MXD3: variants seen among roughly 807,000 people sequenced by gnomAD.
MXD3 encodes the protein MAX dimerization protein 3.
A neutral mutation model predicts 27.5 loss-of-function variants in MXD3; 20 were observed. The observed-to-expected ratio is 0.73, with a 90% CI of 0.51 to 1.06. The LOEUF is 1.06. Ranked by LOEUF, MXD3 falls within the 50% of genes least tolerant of loss-of-function variation. MXD3 has a pLI of 0.00. For missense variants in MXD3, 298 were observed against 291.3 expected, an observed-to-expected ratio of 1.02 and a Z score of -0.17; for synonymous variants, 150 against 130.7, an observed-to-expected ratio of 1.15 and a Z score of -1.01.
chr5:177,312,723 G>A (rs542555717), upstream of MXD3: 15 of 985,506 alleles, frequency 1.5e-5, no homozygotes, highest in East Asian at 1.7e-3. Context: ...TCCTCAGGCA[G>A]GCCATACCCT....
chr5:177,312,279 G>C (rs993048293), upstream of MXD3: 1 of 986,620 alleles, frequency 1.0e-6, no homozygotes, highest in East Asian at 1.1e-4. Context: ...GCCGCTGCAC[G>C]TGGGTGCCGC....
At chr5:177,311,619 C>G in intron 1 of MXD3, 135 bp from the exon 2 acceptor site, 1 of 1,142,474 alleles carries the variant, frequency 8.8e-7, no homozygotes, top group Non-Finnish European at 1.2e-6. Flanking sequence ...TCTACCGCCC[C>G]GGGACTCCTC....
chr5:177,306,623 C>G, downstream of MXD3: 1 of 1,568,708 alleles, frequency 6.4e-7, no homozygotes, highest in Non-Finnish European at 8.6e-7. Flanking sequence ...CCTCTCTGCC[C>G]TCCCTTCATT....
At chr5:177,306,695 G>C, downstream of MXD3, 1 of 1,388,168 alleles carries the variant, frequency 7.2e-7, no homozygotes, top group Non-Finnish European at 9.7e-7. Flanking sequence ...GGGTTGTGGG[G>C]ATGCAGTTTG....
upstream of MXD3, chr5:177,312,445 G>C (rs1761061370): frequency 1.0e-6 from 1 of 985,576 alleles, no homozygotes. Context: ...GTTCGGGCGG[G>C]AAAAGAAGCA....
intron 4 of MXD3, among the ~76,000 whole-genome samples, chr5:177,309,586 A>G (rs1326370741): frequency 6.6e-6 from 1 of 152,246 alleles, no homozygotes; most frequent in Non-Finnish European, 1.5e-5. Flanking sequence ...TTATTTACTA[A>G]CAGCGCATAG....
chr5:177,310,440 T>G lies in MXD3; in HGVS notation c.307A>C (p.Arg103=), dbSNP rs781261844. The G allele has an allele frequency of 1.2e-5, 20 of 1,611,892 alleles. No individual in the cohort carries two copies. Among genetic ancestry groups the G allele is most frequent in the Non-Finnish European group, 1.6e-5 (19 of 1,179,304 alleles). Residue 103 remains arginine, a synonymous_variant, in exon 4 of 6, where the codon AGG becomes CGG. Transcript: ENST00000439742. ...YTTLSLLRRA[R]MHIQKLEDQE... is the part of the protein sequence containing the mutation. Reference sequence around the variant, plus strand: ...GGGGGCCTCACCTGGATGTGCATCCTGGCACGGCGCAGCAGGCTCAGCGTG... The same window carrying G: ...GGGGGCCTCACCTGGATGTGCATCCGGGCACGGCGCAGCAGGCTCAGCGTG...
At chr5:177,306,797 G>A (rs557328256), downstream of MXD3, 10 of 818,722 alleles carry the variant, frequency 1.2e-5, no homozygotes, top group South Asian at 3.7e-5. Flanking sequence ...ACAGAGGTGC[G>A]GTGACTTGCC....
Position 177,307,943 on chromosome 5 carries a change from G to A in MXD3, c.343C>T (p.Arg115Trp), listed in dbSNP as rs746922647. The A allele has an allele frequency of 6.0e-5, 94 of 1,571,158 alleles. No homozygotes were observed. Among genetic ancestry groups the A allele is most frequent in the East Asian group, 1.4e-4 (6 of 43,590 alleles). The change falls in exon 5 of 6, where the codon CGG becomes TGG. Residue 115 changes from arginine (R) to tryptophan (W), a missense_variant. Transcript: ENST00000439742. ...HIQKLEDQEQ[R>W]ARQLKERLRS... ...AGCCTCTCCTTGAGCTGTCGGGCCC[G>A]CTGCTCCTGATCCTCCAGCTTCTGC...
At chr5:177,311,252 G>C in intron 2 of MXD3, 127 bp downstream of exon 2, 1 of 556,948 alleles carries the variant, frequency 1.8e-6, no homozygotes, top group Non-Finnish European at 3.1e-6. Flanking sequence ...ATGGCAGGAG[G>C]GGTCTGAACG....
At chr5:177,305,762 G>A (rs1760852840), downstream of MXD3, 1 of 890,422 alleles carries the variant, frequency 1.1e-6, no homozygotes, top group African/African-American at 1.6e-5. Context: ...GGGAAGGAAT[G>A]GATTTTCATT....
chr5:177,307,114 C>T (rs962942847), downstream of MXD3: 9 of 1,504,666 alleles, frequency 6.0e-6, no homozygotes, highest in East Asian at 1.7e-4. Context: ...GCACGGCCAA[C>T]AGTGTCAGTG....
intron 4 of MXD3, among the ~76,000 whole-genome samples, chr5:177,308,369 T>G (rs1760946015): frequency 6.6e-6 from 1 of 151,860 alleles, no homozygotes; most frequent in Admixed American, 6.6e-5. Flanking sequence ...CCCGTTTCTT[T>G]TGTTTTTTGT....
At chr5:177,312,005 A>C, upstream of MXD3, 1 of 1,276,262 alleles carries the variant, frequency 7.8e-7, no homozygotes, top group South Asian at 1.6e-5. Context: ...GGAACCCGCC[A>C]CGGAGCCGCA....
upstream of MXD3, chr5:177,312,259 G>T: frequency 1.0e-6 from 1 of 986,962 alleles, no homozygotes; most frequent in Non-Finnish European, 1.2e-6. Flanking sequence ...CCCTGAAAGC[G>T]CCGGGCCCAG....
At chr5:177,310,642 G>T (rs757093367) in intron 3 of MXD3, 26 bp downstream of exon 3, 4 of 1,614,022 alleles carry the variant, frequency 2.5e-6, no homozygotes, top group Non-Finnish European at 1.7e-6. Context: ...GGGGGCTGGC[G>T]CTGTCAGGGC....
intron 4 of MXD3, 146 bp downstream of exon 4, chr5:177,310,280 G>T: frequency 3.2e-6 from 2 of 618,878 alleles, no homozygotes; most frequent in Non-Finnish European, 2.8e-6. Context: ...AATGGATCTG[G>T]AAAGTAAAAG....
intron 4 of MXD3, among the ~76,000 whole-genome samples, chr5:177,309,595 A>T (rs2127301906): frequency 6.6e-6 from 1 of 152,370 alleles, no homozygotes; most frequent in South Asian, 2.1e-4. Context: ...AACAGCGCAT[A>T]GGTCTTTGTG....
downstream of MXD3, chr5:177,306,830 G>T (rs1760891418): frequency 2.7e-6 from 2 of 741,330 alleles, no homozygotes; most frequent in Non-Finnish European, 4.3e-6. Context: ...TAGCCTGCAG[G>T]TTAACTGGCG....
Sources: gnomAD v4.1 joint callset for allele counts (sites outside exome capture counted in the v4.1 genomes callset) on GRCh38, gnomAD v4.1.1 for gene constraint, MANE v1.5 for transcripts, NCBI Gene and HGNC (gene_info 2026-07-23, HGNC 2026-07-21) for gene names.